Variants in ARHGEF18 observed in about 807,000 individuals in gnomAD.
ARHGEF18 encodes the protein Rho/Rac guanine nucleotide exchange factor 18, also known as rho guanine nucleotide exchange factor 18.
ARHGEF18 carries 93 observed loss-of-function variants against 155.7 expected under a neutral mutation model. The ratio of observed to expected loss-of-function variants is 0.60; its 90% CI spans 0.50 to 0.71. ARHGEF18 has a LOEUF of 0.71. Ranked by LOEUF, ARHGEF18 falls within the 30% of genes least tolerant of loss-of-function variation. The pLI is 0.00. For missense variants in ARHGEF18, 1,593 were observed against 1,816.1 expected (o/e 0.88, Z 2.23); for synonymous variants, 742 against 753.1 (o/e 0.99, Z 0.24).
chr19:7,355,285 A>G (rs1969259393), intron 1 of ARHGEF18, among the ~76,000 whole-genome samples: 1 of 152,128 alleles, frequency 6.6e-6, no homozygotes, highest in East Asian at 1.9e-4. Context: ...TGGCACGCAC[A>G]CACACACAAA....
At chr19:7,379,361 C>T (rs187488717) in intron 7 of ARHGEF18, among the ~76,000 whole-genome samples, 195 bp downstream of exon 7, 53 of 152,130 alleles carry the variant, frequency 3.5e-4, no homozygotes, top group Middle Eastern at 3.4e-3. Context: ...GAGTTCGAGA[C>T]CAGCCTGGCC....
rs532827367 is a variant in ARHGEF18, at chr19:7,413,371, G to A, written c.968-26973G>A. On this transcript the variant is annotated intron_variant, in intron 10 of 28. Coordinates refer to ENST00000668164, the MANE Select transcript of ARHGEF18 (RefSeq NM_001367823.1). Reference sequence around the variant, plus strand: ...GGCTGGAGTGCAGTGGCACGATCTCGGCTCACTGCAAGCTCCACCTCCTGG... The same window carrying A: ...GGCTGGAGTGCAGTGGCACGATCTCAGCTCACTGCAAGCTCCACCTCCTGG... Among the ~76,000 whole-genome samples, 252 of 149,668 alleles carry A rather than the reference G, an allele frequency of 1.7e-3. 5 individuals carry two copies. Among genetic ancestry groups the A allele is most frequent in the African/African-American group, 1.4e-3 (58 of 40,568 alleles).
At position 7,441,711 on chromosome 19, in the gene ARHGEF18, G is replaced by A. The variant is rs191378910; in HGVS notation, c.1165G>A (p.Ala389Thr). Residue 389 changes from alanine (A) to threonine (T), a missense_variant, in exon 12 of 29, where the codon GCT becomes ACT. Coordinates refer to ENST00000668164, the MANE Select transcript of ARHGEF18 (RefSeq NM_001367823.1). The stretch of plus-strand genomic sequence containing the variant: ...TGCGTTTTTAAAATTTAAGCAGACA[G>A]CTGATGACTCTCTGTCCCTTACATC... ...DSAFLKFKQT[A>T]DDSLSLTSPN... is the part of the protein sequence containing the mutation. 7.4e-6 allele frequency: 12 copies of A among 1,614,204 alleles called. No homozygotes were observed. The African/African-American group carries it at 1.2e-4, about 16-fold the overall frequency.
At chr19:7,362,983 T>C (rs1969693983) in intron 2 of ARHGEF18, 78 bp downstream of exon 2, 1 of 1,227,430 alleles carries the variant, frequency 8.1e-7, no homozygotes. Context: ...GCACCTGCAT[T>C]TTACCAGGCA....
At chr19:7,473,771 C>A (rs1349288263), downstream of ARHGEF18, among the ~76,000 whole-genome samples, 6 of 145,278 alleles carry the variant, frequency 4.1e-5, no homozygotes, top group Non-Finnish European at 9.0e-5. Context: ...GATTGCGCCA[C>A]TGCACTCAGC....
At chr19:7,413,463 A>G (rs12462145) in intron 10 of ARHGEF18, among the ~76,000 whole-genome samples, 83,781 of 151,526 alleles carry the variant, frequency 0.55, 23,566 homozygotes, top group Middle Eastern at 0.75. Flanking sequence ...CACCATGCCC[A>G]GCTAATTTTT....
intron 26 of ARHGEF18, among the ~76,000 whole-genome samples, chr19:7,468,608 TGA>T (rs1450913325): frequency 3.3e-5 from 5 of 152,166 alleles, no homozygotes; most frequent in Non-Finnish European, 7.4e-5. Context: ...TGTTTGTATA[TGA>T]GTGTGTGACA....
At chr19:7,371,087 T>A (rs887250291) in intron 2 of ARHGEF18, among the ~76,000 whole-genome samples, 1 of 152,012 alleles carries the variant, frequency 6.6e-6, no homozygotes, top group Non-Finnish European at 1.5e-5. Context: ...ACTTTTAAAT[T>A]TTTTTGTAGA....
intron 1 of ARHGEF18, among the ~76,000 whole-genome samples, chr19:7,352,531 C>T (rs1600162841): frequency 1.1e-4 from 10 of 93,184 alleles, no homozygotes; most frequent in South Asian, 7.6e-4. Context: ...CCTAGGTTTC[C>T]TTTTTTTTTT....
chr19:7,353,826 G>A (rs59471511), intron 1 of ARHGEF18, among the ~76,000 whole-genome samples: 2,985 of 151,690 alleles, frequency 0.02, 82 homozygotes, highest in African/African-American at 0.067. Flanking sequence ...GGTGGTGCAC[G>A]CCTGTGATCC....
intron 10 of ARHGEF18, among the ~76,000 whole-genome samples, chr19:7,402,198 A>C (rs1053706466): frequency 1.4e-4 from 21 of 152,190 alleles, no homozygotes; most frequent in African/African-American, 4.6e-4. Flanking sequence ...AGACGGGCAG[A>C]TCACAACGTC....
intron 10 of ARHGEF18, among the ~76,000 whole-genome samples, chr19:7,421,359 C>G (rs538925059): frequency 3.9e-5 from 6 of 152,322 alleles, no homozygotes; most frequent in African/African-American, 9.6e-5. Flanking sequence ...ATACAGTGTT[C>G]TCAGGATGAA....
chr19:7,406,677 T>TG (rs1302910146), intron 10 of ARHGEF18, among the ~76,000 whole-genome samples: 1 of 152,150 alleles, frequency 6.6e-6, no homozygotes, highest in East Asian at 1.9e-4. Context: ...CTCACACTGT[T>TG]GCAGTTCTAA....
chr19:7,425,567 A>G (rs867013941), intron 10 of ARHGEF18, among the ~76,000 whole-genome samples: 1 of 152,064 alleles, frequency 6.6e-6, no homozygotes, highest in African/African-American at 2.4e-5. Flanking sequence ...CTGTAATCCC[A>G]GCTACTCAGG....
intron 15 of ARHGEF18, among the ~76,000 whole-genome samples, chr19:7,447,732 C>T (rs894024395): frequency 2.6e-5 from 4 of 152,096 alleles, no homozygotes; most frequent in African/African-American, 4.8e-5. Context: ...CAATGCCTCA[C>T]GCTGTAAATC....
At chr19:7,424,253 C>T (rs1372662780) in intron 10 of ARHGEF18, among the ~76,000 whole-genome samples, 3 of 151,952 alleles carry the variant, frequency 2.0e-5, no homozygotes, top group Non-Finnish European at 4.4e-5. Context: ...CTCGAACTCC[C>T]GACCTCAGGT....
chr19:7,444,700 G>C lies in ARHGEF18; in HGVS notation c.1611+246G>C, dbSNP rs1439271714. On this transcript the variant is annotated intron_variant, in intron 14 of 28. Coordinates refer to ENST00000668164, the MANE Select transcript of ARHGEF18 (RefSeq NM_001367823.1). The surrounding 1 kb of genome is among the most constrained non-coding windows in gnomAD (Gnocchi z 4.7). ...TAAATTTTATTTTTTGTAGAGATGAGGTCTCACTCTATGGCCCAGGCTGGT... is the reference window on the plus strand; with the variant it reads ...TAAATTTTATTTTTTGTAGAGATGACGTCTCACTCTATGGCCCAGGCTGGT... Among the ~76,000 whole-genome samples, 1 of 152,088 alleles carries C rather than the reference G, an allele frequency of 6.6e-6. No individual in the cohort carries two copies. The highest frequency in any genetic ancestry group is 2.4e-5 in the African/African-American group (1 of 41,414).
rs776794567 is a variant in ARHGEF18 at position 7,468,969 on chromosome 19, C to G, written c.3625C>G (p.Leu1209Val). ...RRDSAPTENRLAKSDVPIQLL... is the reference protein window; with the variant it reads ...RRDSAPTENRVAKSDVPIQLL... Reference sequence around the variant, plus strand: ...GGACAGCGCCCCCACCGAGAACCGGCTGGCCAAGAGCGATGTGCCCATCCA... The same window carrying G: ...GGACAGCGCCCCCACCGAGAACCGGGTGGCCAAGAGCGATGTGCCCATCCA... The change falls in exon 27 of 29, where the codon CTG (leucine) becomes GTG (valine). Residue 1209 changes from leucine (L) to valine (V), a missense_variant. Transcript: ENST00000668164. 3.8e-6 allele frequency: 6 copies of G among 1,589,596 alleles called. No individual in the cohort carries two copies. Among genetic ancestry groups the G allele is most frequent in the Non-Finnish European group, 5.1e-6 (6 of 1,169,656 alleles).
At position 7,463,206 on chromosome 19, in the gene ARHGEF18, C is replaced by CGGCAGA. The variant is rs1568362703; in HGVS notation, c.2636-610_2636-605dup. Among the ~76,000 whole-genome samples the CGGCAGA allele has an allele frequency of 6.6e-6, 1 of 152,138 alleles. No individual in the cohort carries two copies. The highest frequency in any genetic ancestry group is 1.5e-5 in the Non-Finnish European group (1 of 68,020). The stretch of plus-strand genomic sequence containing the variant: ...TCCAGAGCCTTTCCGCAGAATAAGA[C>CGGCAGA]GGCAGAGACGGGGGTCAGTCTTTCT... On this transcript the variant is annotated intron_variant, in intron 21 of 28. Transcript: ENST00000668164. The surrounding 1 kb of genome is among the most constrained non-coding windows in gnomAD (Gnocchi z 5.2).
Sources: gnomAD v4.1 joint callset for allele counts (sites outside exome capture counted in the v4.1 genomes callset) on GRCh38, gnomAD v4.1.1 for gene constraint, Gnocchi (gnomAD v3.1) non-coding constraint, MANE v1.5 for transcripts, NCBI Gene and HGNC (gene_info 2026-07-23, HGNC 2026-07-21) for gene names.